The following CHD2 variants were observed in gnomAD, a reference collection of about 807,000 sequenced individuals.
The protein encoded by CHD2 is chromodomain helicase DNA binding protein 2.
In CHD2, 28 loss-of-function variants were observed where a neutral mutation model predicts 243.9. The observed-to-expected ratio is 0.11, with a 90% confidence interval of 0.09 to 0.16. The LOEUF (loss-of-function observed/expected upper bound fraction) is 0.16, where lower values mean the gene tolerates loss of function less well. Among genes scored for constraint, CHD2 ranks in the 10% least tolerant of loss-of-function variants. The probability of loss-of-function intolerance (pLI) is 1.00; values close to 1 mark genes in which losing one functional copy is unlikely to be tolerated. For synonymous variants in CHD2, 775 were observed against 779.0 expected (o/e 0.99, Z 0.09); for missense variants, 1,386 against 2,209.8 (o/e 0.63, Z 7.47).
rs779592308 is a variant in CHD2, at chr15:92,979,292, C to T, written c.2876+9C>T. On this transcript the variant is annotated intron_variant, in intron 22 of 38. Transcript: ENST00000394196. ...AACTCAGGAAGGTCCAAGTAAGTGC[C>T]AGGAAGATTGGGAGGTAGGCAGAAT... The T allele has an allele frequency of 6.2e-7, 1 of 1,612,776 alleles. No individual in the cohort carries two copies. Among genetic ancestry groups the T allele is most frequent in the South Asian group, 1.1e-5 (1 of 90,912 alleles).
At chr15:93,020,707 G>A (rs964033) in intron 38 of CHD2, 213,271 of 213,610 alleles carry the variant, frequency 1, 106,467 homozygotes, top group East Asian at 1. Flanking sequence ...ACGATGAGCC[G>A]AAGCTTTACA....
At chr15:93,012,479 A>C in intron 36 of CHD2, 35 bp downstream of exon 36, 1 of 1,423,264 alleles carries the variant, frequency 7.0e-7, no homozygotes, top group Non-Finnish European at 9.6e-7. Flanking sequence ...TCATACAAAC[A>C]AATACCAATT....
At chr15:92,924,830 G>T (rs769394737) in intron 3 of CHD2, among the ~76,000 whole-genome samples, 2 of 152,078 alleles carry the variant, frequency 1.3e-5, no homozygotes, top group Non-Finnish European at 2.9e-5. Flanking sequence ...ACAGAGTCTT[G>T]CTCTGTTGCC....
At chr15:93,021,280 C>T (rs2054532155) in intron 38 of CHD2, 2 of 151,804 alleles carry the variant, frequency 1.3e-5, no homozygotes, top group South Asian at 2.1e-4. Context: ...TCATCCTTAT[C>T]TTTGTTCCTC....
chr15:92,913,632 C>T (rs2052781991), intron 2 of CHD2, among the ~76,000 whole-genome samples: 1 of 152,092 alleles, frequency 6.6e-6, no homozygotes, highest in South Asian at 2.1e-4. Context: ...GAGGTGGGAT[C>T]CCTTGAGCTA....
rs369612393 is a variant in CHD2 at position 93,009,180 on chromosome 15, G to A, written c.4449G>A (p.Leu1483=). 1 of 1,614,076 alleles carries A rather than the reference G, an allele frequency of 6.2e-7. No individual in the cohort carries two copies. The highest frequency in any genetic ancestry group is 8.5e-7 in the Non-Finnish European group (1 of 1,180,030). ...GGATGAGGCCCGTGAAAAAGGCACTGAAACAGCTCGACAAACCTGACAAGG... is the reference window on the plus strand; with the variant it reads ...GGATGAGGCCCGTGAAAAAGGCACTAAAACAGCTCGACAAACCTGACAAGG... ...KERMRPVKKA[L]KQLDKPDKGL... is the part of the protein sequence containing the mutation. The change falls in exon 35 of 39, where the codon CTG becomes CTA. Residue 1483 remains leucine (L), a synonymous_variant. Transcript: ENST00000394196.
At chr15:92,987,857 T>G (rs8034960) in intron 26 of CHD2, among the ~76,000 whole-genome samples, 2 of 150,880 alleles carry the variant, frequency 1.3e-5, no homozygotes, top group East Asian at 3.9e-4. Flanking sequence ...AAAAAAAACT[T>G]TTTTTTTCAC....
At position 92,927,090 on chromosome 15, in the gene CHD2, A is replaced by T. The variant is rs78223026; in HGVS notation, c.295-154A>T. On this transcript the variant is annotated intron_variant, in intron 3 of 38. Coordinates refer to ENST00000394196, the MANE Select transcript of CHD2 (RefSeq NM_001271.4). ...TTTCCTAGGATAATATGCCTATTTT[A>T]AAAAAAATGGCGCTTTATTGTCTCA... Among the ~76,000 whole-genome samples, 2,873 of 152,096 alleles carry T rather than the reference A, an allele frequency of 0.019. 83 individuals carry two copies. The highest frequency in any genetic ancestry group is 0.072 in the Admixed American group (1,100 of 15,260).
rs200140221 is a variant in CHD2, at chr15:93,002,145, G to A, written c.4138-32G>A. 126 of 1,570,206 alleles carry A rather than the reference G, an allele frequency of 8.0e-5. 1 individual carries two copies. The highest frequency in any genetic ancestry group is 7.6e-4 in the South Asian group (63 of 82,986). On this transcript the variant is annotated intron_variant, in intron 32 of 38. Coordinates refer to ENST00000394196, the MANE Select transcript of CHD2 (RefSeq NM_001271.4). ...TACATAAGTAGATATAAAATTTGTA[G>A]CAAAAATTCATAGCCCTGTTTTGTT...
intron 13 of CHD2, among the ~76,000 whole-genome samples, chr15:92,952,671 C>A (rs895086511): frequency 5.3e-5 from 8 of 152,232 alleles, no homozygotes; most frequent in African/African-American, 1.9e-4. Flanking sequence ...TGAAGCTTCC[C>A]TCCCTCACCC....
intron 24 of CHD2, among the ~76,000 whole-genome samples, chr15:92,982,652 TG>T (rs1233155668): frequency 6.6e-6 from 1 of 152,078 alleles, no homozygotes; most frequent in Non-Finnish European, 1.5e-5. Context: ...GATGGCTAAG[TG>T]TAGTATGCCC....
intron 16 of CHD2, among the ~76,000 whole-genome samples, chr15:92,960,163 G>A (rs116584985): frequency 0.011 from 1,651 of 152,090 alleles, 27 homozygotes; most frequent in African/African-American, 0.034. Flanking sequence ...AACTACAATT[G>A]GGTTTTGTAT....
At chr15:92,939,446 C>G in intron 6 of CHD2, 132 bp from the exon 7 acceptor site, 1 of 930,636 alleles carries the variant, frequency 1.1e-6, no homozygotes, top group Non-Finnish European at 1.6e-6. Context: ...CAAGAATATG[C>G]ATGTTTAACA....
intron 22 of CHD2, 33 bp downstream of exon 22, chr15:92,979,316 A>G: frequency 6.2e-7 from 1 of 1,607,622 alleles, no homozygotes; most frequent in Non-Finnish European, 8.5e-7. Flanking sequence ...GGTAGGCAGA[A>G]TCAAATTGAT....
chr15:92,948,983 T>C lies in CHD2; in HGVS notation c.1409T>C (p.Leu470Ser). 6.2e-7 allele frequency: 1 copy of C among 1,614,052 alleles called. No homozygotes were observed. The change falls in exon 13 of 39, where the codon TTA (leucine) becomes TCA (serine). Residue 470 changes from leucine (L) to serine (S), a missense_variant. Coordinates refer to ENST00000394196, the MANE Select transcript of CHD2 (RefSeq NM_001271.4). ...AAGCAGAGACCACGATTTGTAGCTT[T>C]AAAGAAACAACCTGCATATTTAGGA... Reference protein sequence around the residue: ...ALKQRPRFVALKKQPAYLGGE... With the variant: ...ALKQRPRFVASKKQPAYLGGE...
At position 92,998,549 on chromosome 15, in the gene CHD2, C is replaced by G; in HGVS notation, c.3936C>G (p.Thr1312=). ...DKKPQGKQLQ[T]RADYLLKLLR... is the part of the protein sequence containing the mutation. Reference sequence around the variant, plus strand: ...AGCCTCAGGGGAAGCAGCTACAGACCCGAGCGGATTACTTGTTGAAGCTGC... The same window carrying G: ...AGCCTCAGGGGAAGCAGCTACAGACGCGAGCGGATTACTTGTTGAAGCTGC... Residue 1312 remains threonine, a synonymous_variant, in exon 31 of 39, where the codon ACC becomes ACG. Transcript: ENST00000394196. This position sits in a 1 kb window ranked among gnomAD's most constrained non-coding sequence, Gnocchi z 5.1. 6.2e-7 allele frequency: 1 copy of G among 1,613,786 alleles called. No homozygotes were observed. Among genetic ancestry groups the G allele is most frequent in the Non-Finnish European group, 8.5e-7 (1 of 1,179,970 alleles).
rs190138457 is a variant in CHD2 at position 92,912,748 on chromosome 15, C to A, written c.62+11449C>A. 8.9e-4 allele frequency among the ~76,000 whole-genome samples: 135 copies of A among 152,262 alleles called. 1 individual carries two copies. In the East Asian group the frequency reaches 0.01, roughly 11 times the overall value. On this transcript the variant is annotated intron_variant, in intron 2 of 38. Coordinates refer to ENST00000394196, the MANE Select transcript of CHD2 (RefSeq NM_001271.4). ...CAGGGGTTTCACTATGTTGGCCAGG[C>A]TGGTCTCAAACTCCTGACCTCGTGA...
chr15:93,001,149 C>T (rs1250087333), intron 32 of CHD2, among the ~76,000 whole-genome samples: 2 of 152,124 alleles, frequency 1.3e-5, no homozygotes, highest in Admixed American at 6.5e-5. Context: ...GGATTACAGG[C>T]GTGAGTCACC....
At chr15:92,933,385 T>TC (rs2053209792) in intron 5 of CHD2, among the ~76,000 whole-genome samples, 1 of 152,250 alleles carries the variant, frequency 6.6e-6, no homozygotes, top group Non-Finnish European at 1.5e-5. Context: ...CCAGGAGTTC[T>TC]CCATTTTGCC....
Sources: allele counts gnomAD v4.1 joint callset (sites outside exome capture counted in the v4.1 genomes callset), GRCh38; gene constraint gnomAD v4.1.1; non-coding constraint Gnocchi (gnomAD v3.1); transcripts MANE v1.5; gene names NCBI Gene and HGNC (gene_info 2026-07-23, HGNC 2026-07-21).